Variants in PLA2G4C observed in about 807,000 individuals in gnomAD.
The protein encoded by PLA2G4C is cytosolic phospholipase A2 gamma.
In PLA2G4C, 64 loss-of-function variants were observed where a neutral mutation model predicts 73.8. The observed-to-expected ratio is 0.87, with a 90% CI of 0.71 to 1.07. The LOEUF is 1.07. PLA2G4C is among the 50% of genes least tolerant of loss of function. The pLI, the probability that PLA2G4C is intolerant of heterozygous loss-of-function variation, is 0.00. For missense variants in PLA2G4C, 622 were observed against 665.4 expected, an observed-to-expected ratio of 0.93 and a Z score of 0.72; for synonymous variants, 254 against 252.1, an observed-to-expected ratio of 1.01 and a Z score of -0.07.
chr19:48,098,283 G>A (rs974055735), intron 5 of PLA2G4C, 24 bp from the exon 6 acceptor site: 4 of 1,593,786 alleles, frequency 2.5e-6, no homozygotes, highest in Non-Finnish European at 1.7e-6. Context: ...TGCCAAGACA[G>A]TGTGAGGGAG....
rs777824431 is a variant in PLA2G4C at position 48,104,552 on chromosome 19, T to C, written c.257+36A>G. 3.7e-6 allele frequency: 6 copies of C among 1,604,472 alleles called. No individual in the cohort carries two copies. In the East Asian group the frequency reaches 1.3e-4, roughly 36 times the overall value. On this transcript the variant is annotated intron_variant, in intron 4 of 16. Coordinates refer to ENST00000599921, the MANE Select transcript of PLA2G4C (RefSeq NM_003706.3). ...GAGGAAAAAAATAATCCCATTTATGTGTCAGAAAGCAATCTGAAACATGAG... is the reference window on the plus strand; with the variant it reads ...GAGGAAAAAAATAATCCCATTTATGCGTCAGAAAGCAATCTGAAACATGAG...
At chr19:48,060,020 C>T (rs559775024) in intron 14 of PLA2G4C, among the ~76,000 whole-genome samples, 112 of 152,128 alleles carry the variant, frequency 7.4e-4, no homozygotes, top group African/African-American at 2.6e-3. Flanking sequence ...CCACCCGCCT[C>T]GGCCTCCCAA....
At chr19:48,061,902 C>A (rs1968191447) in intron 14 of PLA2G4C, 96 bp downstream of exon 14, 4 of 1,309,372 alleles carry the variant, frequency 3.1e-6, no homozygotes, top group Middle Eastern at 4.8e-4. Context: ...TCCCCATTGC[C>A]CGCTTCCCAG....
In PLA2G4C at chr19:48,062,136, C is replaced by G. The variant is rs904785397; in HGVS notation, c.1119G>C (p.Lys373Asn). 3 of 1,586,358 alleles carry G rather than the reference C, an allele frequency of 1.9e-6. No individual in the cohort carries two copies. The highest frequency in any genetic ancestry group is 2.6e-6 in the Non-Finnish European group (3 of 1,164,814). Residue 373 changes from lysine (K) to asparagine (N), a missense_variant, in exon 14 of 17, where the codon AAG becomes AAC. Physicochemically the swap from Lys to Asn is moderately conservative, Grantham distance 94 (BLOSUM62 0). Coordinates refer to ENST00000599921, the MANE Select transcript of PLA2G4C (RefSeq NM_003706.3). ...FLYKHGGIRD[K>N]IMSSRKHLHL... is the part of the protein sequence containing the mutation. ...GGAGGTGCTTCCGGCTGCTCATTAT[C>G]TTGTCCCGGATGCCACCTGTGGTGC... is the stretch of plus-strand genomic sequence containing the variant.
chr19:48,099,617 C>G, intron 5 of PLA2G4C, 54 bp downstream of exon 5: 3 of 1,344,810 alleles, frequency 2.2e-6, no homozygotes, highest in Non-Finnish European at 3.1e-6. Context: ...ACCCCACACC[C>G]TGAGACCCCT....
chr19:48,081,480 A>G (rs1397004058), intron 10 of PLA2G4C, among the ~76,000 whole-genome samples: 1 of 151,976 alleles, frequency 6.6e-6, no homozygotes, highest in Non-Finnish European at 1.5e-5. Flanking sequence ...CATTGGGGCC[A>G]GGAGTGGTGG....
At chr19:48,065,073 T>G (rs2122500682) in intron 13 of PLA2G4C, 1 of 152,214 alleles carries the variant, frequency 6.6e-6, no homozygotes, top group African/African-American at 2.4e-5. Flanking sequence ...CTGAGCCAAA[T>G]GTGAGTGACC....
chr19:48,050,859 A>C (rs1206176363), intron 16 of PLA2G4C, among the ~76,000 whole-genome samples: 48 of 151,874 alleles, frequency 3.2e-4, no homozygotes, highest in Non-Finnish European at 7.4e-5. Context: ...TACTTTTAGT[A>C]GAGATGGTGT....
intron 15 of PLA2G4C, 69 bp downstream of exon 15, chr19:48,054,809 T>A (rs956483858): frequency 1.5e-4 from 210 of 1,373,548 alleles, no homozygotes; most frequent in Non-Finnish European, 2.0e-4. Flanking sequence ...GTCTCAGGTA[T>A]GTTTTTATTA....
chr19:48,101,405 G>A (rs2031914901), intron 4 of PLA2G4C, among the ~76,000 whole-genome samples: 2 of 151,940 alleles, frequency 1.3e-5, no homozygotes, highest in Non-Finnish European at 2.9e-5. Context: ...AAAATGCTGG[G>A]ATTATAGGTG....
At chr19:48,087,508 T>A (rs2031049018) in intron 9 of PLA2G4C, among the ~76,000 whole-genome samples, 1 of 152,152 alleles carries the variant, frequency 6.6e-6, no homozygotes, top group South Asian at 2.1e-4. Context: ...CCAACATTCC[T>A]ACAGATGAAA....
chr19:48,076,330 T>G (rs961801666), intron 11 of PLA2G4C, among the ~76,000 whole-genome samples: 6 of 152,210 alleles, frequency 3.9e-5, no homozygotes, highest in South Asian at 2.1e-4. Context: ...ACAGGAGGTG[T>G]GTGGAGCTGG....
intron 7 of PLA2G4C, among the ~76,000 whole-genome samples, chr19:48,093,360 T>C (rs1397411551): frequency 6.6e-6 from 1 of 152,132 alleles, no homozygotes; most frequent in Admixed American, 6.5e-5. Flanking sequence ...CCCATATCCA[T>C]TCTGGTACCC....
Position 48,054,004 on chromosome 19 carries a change from C to G in PLA2G4C, c.1430-857G>C, listed in dbSNP as rs931063002. 5.3e-5 allele frequency among the ~76,000 whole-genome samples: 8 copies of G among 152,144 alleles called. No individual in the cohort carries two copies. The East Asian group carries it at 1.3e-3, about 26-fold the overall frequency. On this transcript the variant is annotated intron_variant, in intron 15 of 16. Transcript: ENST00000599921. ...AGAAGGCTGCAGAGAGAGGCAGCAA[C>G]ATGCATAAACATGCAAGACCGAGAG...
intron 10 of PLA2G4C, among the ~76,000 whole-genome samples, chr19:48,084,040 T>TTGTGTGTG (rs71181645): frequency 0.053 from 7,410 of 139,094 alleles, 250 homozygotes; most frequent in East Asian, 0.12. Flanking sequence ...AATGCCAATT[T>TTGTGTGTG]TGTGTGTGTG....
chr19:48,096,362 C>T (rs2031568412), intron 6 of PLA2G4C, among the ~76,000 whole-genome samples: 2 of 152,102 alleles, frequency 1.3e-5, no homozygotes, highest in Non-Finnish European at 2.9e-5. Context: ...GTGAGTGGAT[C>T]ACCTAAGGTC....
chr19:48,051,223 C>T (rs1967712207), intron 16 of PLA2G4C, among the ~76,000 whole-genome samples: 1 of 152,152 alleles, frequency 6.6e-6, no homozygotes. Context: ...AACAGCTTCT[C>T]CCCTGGAGCC....
At position 48,096,120 on chromosome 19, in the gene PLA2G4C, G is replaced by A. The variant is rs112743433; in HGVS notation, c.569-516C>T. Among the ~76,000 whole-genome samples the A allele has an allele frequency of 7.2e-4, 109 of 152,192 alleles. 1 individual carries two copies. The highest frequency in any genetic ancestry group is 2.6e-3 in the African/African-American group (108 of 41,544). On this transcript the variant is annotated intron_variant, in intron 6 of 16. Coordinates refer to ENST00000599921, the MANE Select transcript of PLA2G4C (RefSeq NM_003706.3). ...AATTACAAGAGTCTCCCAGGAGACT[G>A]GGAGACCTGGTCTGGGGATGATGTA...
chr19:48,057,199 T>C (rs571324840), intron 14 of PLA2G4C, among the ~76,000 whole-genome samples: 112 of 152,214 alleles, frequency 7.4e-4, no homozygotes, highest in African/African-American at 2.6e-3. Context: ...GCATATGACT[T>C]CATAGTTGTG....
Sources: gnomAD v4.1 joint callset for allele counts (sites outside exome capture counted in the v4.1 genomes callset) on GRCh38, gnomAD v4.1.1 for gene constraint, MANE v1.5 for transcripts, NCBI Gene and HGNC (gene_info 2026-07-23, HGNC 2026-07-21) for gene names.